The following COL25A1 variants were observed in gnomAD, a reference collection of about 807,000 sequenced individuals.
The protein encoded by COL25A1 is collagen alpha-1(XXV) chain.
Under a neutral mutation model 128.4 loss-of-function variants are expected in COL25A1, and 103 were observed. That is an observed-to-expected ratio of 0.80 (90% CI 0.68 to 0.94). The LOEUF is 0.94. Among genes scored for constraint, COL25A1 ranks in the 40% least tolerant of loss-of-function variants. The probability of loss-of-function intolerance (pLI) is 0.00; values close to 1 mark genes in which losing one functional copy is unlikely to be tolerated. For missense variants in COL25A1, 745 were observed against 840.0 expected, an observed-to-expected ratio of 0.89 and a Z score of 1.40; for synonymous variants, 279 against 277.2, an observed-to-expected ratio of 1.01 and a Z score of -0.06.
chr4:109,275,904 T>C (rs1722791425), intron 3 of COL25A1, among the ~76,000 whole-genome samples: 1 of 152,132 alleles, frequency 6.6e-6, no homozygotes, highest in Non-Finnish European at 1.5e-5. Context: ...CATGTGAGCA[T>C]TTTCCTTCCT....
At chr4:109,050,253 T>A (rs1760862587) in intron 3 of COL25A1, 74 bp from the exon 4 acceptor site, 1 of 1,110,156 alleles carries the variant, frequency 9.0e-7, no homozygotes, top group Admixed American at 2.1e-5. Context: ...AGTAAATAAT[T>A]TATATATATT....
chr4:109,164,460 ATGTGT>A (rs1772878182), intron 3 of COL25A1, among the ~76,000 whole-genome samples: 1 of 152,110 alleles, frequency 6.6e-6, no homozygotes, highest in Non-Finnish European at 1.5e-5. Context: ...CAAGAAATAC[ATGTGT>A]TTGTTTGTTG....
chr4:109,031,481 C>T (rs572532761), intron 5 of COL25A1, among the ~76,000 whole-genome samples: 4 of 152,042 alleles, frequency 2.6e-5, no homozygotes, highest in South Asian at 2.1e-4. Context: ...TTTTCTGTAG[C>T]GAGACCAAAT....
At chr4:109,005,835 C>T (rs1363313935) in intron 6 of COL25A1, among the ~76,000 whole-genome samples, 9 of 152,142 alleles carry the variant, frequency 5.9e-5, no homozygotes, top group African/African-American at 2.2e-4. Context: ...CCATACCCTT[C>T]CATTTTCCCA....
chr4:108,838,049 A>G, intron 31 of COL25A1: 1 of 1,312,146 alleles, frequency 7.6e-7, no homozygotes. Context: ...TGTAGGGTAG[A>G]AAGAAAAATC....
At chr4:109,019,375 CATATATAT>C (rs57842656) in intron 5 of COL25A1, among the ~76,000 whole-genome samples, 4 of 48,890 alleles carry the variant, frequency 8.2e-5, no homozygotes, top group Non-Finnish European at 1.4e-4. Flanking sequence ...CACACACACA[CATATATAT>C]ATATATATAT....
At chr4:108,966,225 TG>T (rs1287314349) in intron 8 of COL25A1, among the ~76,000 whole-genome samples, 2 of 150,522 alleles carry the variant, frequency 1.3e-5, no homozygotes, top group Admixed American at 6.7e-5. Context: ...ACTTATGTTT[TG>T]GGGGGTATTA....
intron 6 of COL25A1, among the ~76,000 whole-genome samples, chr4:108,983,949 A>C (rs530122402): frequency 1.3e-5 from 2 of 152,006 alleles, no homozygotes; most frequent in East Asian, 3.9e-4. Context: ...GCCACTGCTG[A>C]CTCGGGCAGC....
intron 3 of COL25A1, among the ~76,000 whole-genome samples, chr4:109,258,027 A>T (rs994704442): frequency 3.3e-5 from 5 of 152,198 alleles, no homozygotes; most frequent in Non-Finnish European, 7.4e-5. Context: ...TCTATAAATC[A>T]TCATTGATGC....
At chr4:109,079,095 T>G (rs1763619241) in intron 3 of COL25A1, among the ~76,000 whole-genome samples, 1 of 152,212 alleles carries the variant, frequency 6.6e-6, no homozygotes, top group Admixed American at 6.5e-5. Flanking sequence ...ACTGTGCTTT[T>G]TCAGAAGGGG....
chr4:109,019,371 C>CATATATATATATATATATATAT (rs1183525991), intron 5 of COL25A1, among the ~76,000 whole-genome samples: 61 of 8,836 alleles, frequency 6.9e-3, no homozygotes, highest in South Asian at 0.011. Context: ...CACACACACA[C>CATATATATATATATATATATAT]ACACATATAT....
At chr4:109,160,089 C>T (rs1271943121) in intron 3 of COL25A1, among the ~76,000 whole-genome samples, 5 of 151,902 alleles carry the variant, frequency 3.3e-5, no homozygotes, top group Admixed American at 6.6e-5. Context: ...ATAGAAAAAC[C>T]ATAAAAGACA....
At chr4:109,190,700 G>A (rs1225319006) in intron 3 of COL25A1, among the ~76,000 whole-genome samples, 1 of 152,198 alleles carries the variant, frequency 6.6e-6, no homozygotes, top group Non-Finnish European at 1.5e-5. Context: ...AAGAAAATAT[G>A]CAGTGGATGG....
At position 108,895,539 on chromosome 4, in the gene COL25A1, A is replaced by G. The variant is rs147388580; in HGVS notation, c.906+1128T>C. ...AAAATAAGAAGAGAGGAGGCAGAAG[A>G]CAAGCCACAAGACTACTGCAGTATA... On this transcript the variant is annotated intron_variant, in intron 16 of 37. Transcript: ENST00000399132. Among the ~76,000 whole-genome samples, 697 of 152,310 alleles carry G rather than the reference A, an allele frequency of 4.6e-3. 14 individuals carry two copies. The East Asian group carries it at 0.062, about 13-fold the overall frequency.
chr4:108,875,083 T>C (rs892116569), intron 19 of COL25A1, among the ~76,000 whole-genome samples: 10 of 152,182 alleles, frequency 6.6e-5, no homozygotes, highest in Non-Finnish European at 1.0e-4. Flanking sequence ...TGGAAGGGAA[T>C]GAATGAAGGC....
intron 3 of COL25A1, among the ~76,000 whole-genome samples, chr4:109,080,085 A>G (rs13353639): frequency 0.087 from 13,218 of 151,926 alleles, 779 homozygotes; most frequent in East Asian, 0.29. Flanking sequence ...TACCCCCACC[A>G]CACACCACCA....
chr4:108,877,591 A>T (rs1020098073), intron 19 of COL25A1, among the ~76,000 whole-genome samples: 3 of 152,152 alleles, frequency 2.0e-5, no homozygotes, highest in Admixed American at 6.5e-5. Context: ...TATTACTTTT[A>T]AAAAATTCAA....
intron 6 of COL25A1, among the ~76,000 whole-genome samples, chr4:109,005,185 C>G (rs1053585974): frequency 2.6e-5 from 4 of 152,084 alleles, no homozygotes; most frequent in Non-Finnish European, 4.4e-5. Flanking sequence ...AAAGGGGGAG[C>G]CAGCACTTCA....
At chr4:109,210,741 C>G (rs1355111939) in intron 3 of COL25A1, among the ~76,000 whole-genome samples, 2 of 152,096 alleles carry the variant, frequency 1.3e-5, no homozygotes, top group Non-Finnish European at 2.9e-5. Context: ...CAACATCACT[C>G]CATGTTCCAG....
Sources: gnomAD v4.1 joint callset for allele counts (sites outside exome capture counted in the v4.1 genomes callset) on GRCh38, gnomAD v4.1.1 for gene constraint, MANE v1.5 for transcripts, NCBI Gene and HGNC (gene_info 2026-07-23, HGNC 2026-07-21) for gene names.